NRXN1: variants seen among roughly 807,000 people sequenced by gnomAD.
The protein encoded by NRXN1 is neurexin-1.
NRXN1 carries 39 observed loss-of-function variants against 150.9 expected under a neutral mutation model. The observed-to-expected ratio is 0.26, with a 90% CI of 0.20 to 0.34. The LOEUF is 0.34. NRXN1 is among the 10% of genes least tolerant of loss of function. NRXN1 has a pLI of 1.00. For synonymous variants in NRXN1, 924 were observed against 757.0 expected (o/e 1.22, Z -3.62); for missense variants, 1,815 against 1,949.9 (o/e 0.93, Z 1.30).
chr2:50,939,452 A>C (rs762133563), intron 2 of NRXN1, among the ~76,000 whole-genome samples: 1 of 151,982 alleles, frequency 6.6e-6, no homozygotes, highest in Non-Finnish European at 1.5e-5. Context: ...TTTATGATTT[A>C]TTATTTATAA....
At chr2:50,331,616 CT>C (rs1199972273) in intron 17 of NRXN1, among the ~76,000 whole-genome samples, 1 of 152,164 alleles carries the variant, frequency 6.6e-6, no homozygotes, top group African/African-American at 2.4e-5. Flanking sequence ...GATTTAACCA[CT>C]TGTTAGTATC....
At chr2:50,490,809 C>A (rs1328403231) in intron 15 of NRXN1, among the ~76,000 whole-genome samples, 1 of 152,098 alleles carries the variant, frequency 6.6e-6, no homozygotes. Flanking sequence ...CAGTATGACT[C>A]CAAGAACAAA....
At chr2:50,435,066 T>C (rs1444757229) in intron 17 of NRXN1, among the ~76,000 whole-genome samples, 2 of 152,212 alleles carry the variant, frequency 1.3e-5, no homozygotes, top group East Asian at 3.9e-4. Flanking sequence ...TACGGGGTTA[T>C]ACTGTACAAA....
chr2:50,589,931 G>A (rs370935244), intron 8 of NRXN1, among the ~76,000 whole-genome samples: 1 of 152,082 alleles, frequency 6.6e-6, no homozygotes, highest in East Asian at 1.9e-4. Context: ...AAACCATTAG[G>A]TTTTATTCAC....
At chr2:51,025,971 A>G (rs1670379694) in intron 2 of NRXN1, among the ~76,000 whole-genome samples, 1 of 152,064 alleles carries the variant, frequency 6.6e-6, no homozygotes, top group African/African-American at 2.4e-5. Flanking sequence ...CCTCCTCCTA[A>G]TCCTGTGAAG....
At chr2:50,893,835 G>A (rs1681475422) in intron 5 of NRXN1, among the ~76,000 whole-genome samples, 1 of 152,052 alleles carries the variant, frequency 6.6e-6, no homozygotes, top group African/African-American at 2.4e-5. Context: ...TTCCACCTAT[G>A]AGTGAGAATA....
chr2:50,669,195 C>T (rs1221887155), intron 5 of NRXN1, among the ~76,000 whole-genome samples: 1 of 151,932 alleles, frequency 6.6e-6, no homozygotes, highest in Non-Finnish European at 1.5e-5. Context: ...CTCAGTCTTA[C>T]TTTAGTTCGA....
At chr2:50,173,137 C>T (rs1419636281) in intron 18 of NRXN1, among the ~76,000 whole-genome samples, 1 of 152,138 alleles carries the variant, frequency 6.6e-6, no homozygotes, top group Non-Finnish European at 1.5e-5. Flanking sequence ...ACTGTCAGGA[C>T]AAACTCTTGG....
chr2:50,854,495 A>G (rs1674974943), intron 5 of NRXN1, among the ~76,000 whole-genome samples: 1 of 152,124 alleles, frequency 6.6e-6, no homozygotes, highest in Admixed American at 6.6e-5. Context: ...CTGAATAGCA[A>G]TAGCCTACCT....
In NRXN1 at chr2:51,026,478, G is replaced by C. The variant is rs199645252; in HGVS notation, c.772+1024C>G. On this transcript the variant is annotated intron_variant, in intron 2 of 22. Coordinates refer to ENST00000401669, the MANE Select transcript of NRXN1 (RefSeq NM_001330078.2). ...AAGACCGAATTTTATTTCTAAAGAGGAGAAAAGAGAACTTAGGTATGACTT... is the reference window on the plus strand; with the variant it reads ...AAGACCGAATTTTATTTCTAAAGAGCAGAAAAGAGAACTTAGGTATGACTT... The C allele has an allele frequency of 2.2e-5, 34 of 1,567,014 alleles. No individual in the cohort carries two copies. Among genetic ancestry groups the C allele is most frequent in the Non-Finnish European group, 2.9e-5 (33 of 1,146,778 alleles).
intron 22 of NRXN1, among the ~76,000 whole-genome samples, chr2:49,933,390 G>A (rs931984003): frequency 6.6e-6 from 1 of 152,018 alleles, no homozygotes; most frequent in Non-Finnish European, 1.5e-5. Context: ...CCGGGCTTTA[G>A]GTATATTTTC....
At chr2:50,870,520 C>G (rs1677620173) in intron 5 of NRXN1, among the ~76,000 whole-genome samples, 1 of 151,968 alleles carries the variant, frequency 6.6e-6, no homozygotes, top group Non-Finnish European at 1.5e-5. Context: ...GTCCTAATTA[C>G]AGCTCTGCAT....
chr2:50,377,515 A>G (rs1328933723), intron 17 of NRXN1, among the ~76,000 whole-genome samples: 1 of 152,092 alleles, frequency 6.6e-6, no homozygotes, highest in Non-Finnish European at 1.5e-5. Flanking sequence ...GGGCATTTTG[A>G]TTGATTCCAT....
intron 21 of NRXN1, among the ~76,000 whole-genome samples, chr2:49,983,104 G>GT (rs2152510321): frequency 6.6e-6 from 1 of 152,226 alleles, no homozygotes; most frequent in Non-Finnish European, 1.5e-5. Flanking sequence ...CCTCTAGGAA[G>GT]AGTTAGTCAT....
At chr2:50,477,634 G>A (rs1320111198) in intron 15 of NRXN1, among the ~76,000 whole-genome samples, 3 of 152,136 alleles carry the variant, frequency 2.0e-5, no homozygotes, top group East Asian at 3.8e-4. Flanking sequence ...TTATTCACAT[G>A]TACTTTTTTG....
chr2:50,632,427 T>A (rs532682533), intron 5 of NRXN1: 4 of 152,162 alleles, frequency 2.6e-5, no homozygotes, highest in African/African-American at 4.8e-5. Flanking sequence ...AAAGTGAAAT[T>A]GCTTTAACAA....
rs878965502 is a variant in NRXN1 at position 50,883,422 on chromosome 2, T to A, written c.832+38447A>T. 6.0e-4 allele frequency among the ~76,000 whole-genome samples: 58 copies of A among 96,106 alleles called. 1 individual carries two copies. Among genetic ancestry groups the A allele is most frequent in the African/African-American group, 1.8e-3 (56 of 30,780 alleles). 63.0% of individuals were successfully genotyped at this position (96,106 alleles called of 152,430 possible). A position where few individuals can be genotyped will look rare whatever the true frequency, so the allele number is the denominator to read the frequency against. ...GTTCACAACATTCAACATTTACATC[T>A]TTTTTTTTTTTTGCATTTTAAGTAT... On this transcript the variant is annotated intron_variant, in intron 5 of 22. Transcript: ENST00000401669.
chr2:50,045,978 T>C (rs1178746683), intron 21 of NRXN1, among the ~76,000 whole-genome samples: 9 of 152,194 alleles, frequency 5.9e-5, no homozygotes. Flanking sequence ...ATATAATGAA[T>C]TCTTAAGCTC....
intron 8 of NRXN1, among the ~76,000 whole-genome samples, chr2:50,611,760 G>A (rs563533238): frequency 2.6e-5 from 4 of 152,188 alleles, no homozygotes; most frequent in Non-Finnish European, 5.9e-5. Flanking sequence ...TGCCTTAAGA[G>A]GAGGAAAAGT....
Sources: gnomAD v4.1 joint callset for allele counts (sites outside exome capture counted in the v4.1 genomes callset) on GRCh38, gnomAD v4.1.1 for gene constraint, MANE v1.5 for transcripts, NCBI Gene and HGNC (gene_info 2026-07-23, HGNC 2026-07-21) for gene names.